The following FLCN variants were observed in gnomAD, a reference collection of about 807,000 sequenced individuals.
FLCN encodes the protein BHD skin lesion fibrofolliculoma protein.
FLCN carries 22 observed loss-of-function variants against 62.5 expected under a neutral mutation model. The observed-to-expected ratio is 0.35, with a 90% CI of 0.25 to 0.50. FLCN has a LOEUF of 0.50. Ranked by LOEUF, FLCN falls within the 20% of genes least tolerant of loss-of-function variation. The probability of loss-of-function intolerance (pLI) is 0.97; values close to 1 mark genes in which losing one functional copy is unlikely to be tolerated. For synonymous variants in FLCN, 319 were observed against 310.0 expected (o/e 1.03, Z -0.30); for missense variants, 657 against 778.0 (o/e 0.84, Z 1.85).
upstream of FLCN, chr17:17,237,199 A>C (rs894383162): frequency 4.6e-5 from 7 of 152,134 alleles, no homozygotes; most frequent in African/African-American, 1.7e-4. Flanking sequence ...CCTGAGCCGT[A>C]CCACCACCCA....
intron 6 of FLCN, 58 bp from the exon 7 acceptor site, chr17:17,222,719 C>A: frequency 6.2e-7 from 1 of 1,609,834 alleles, no homozygotes; most frequent in East Asian, 2.2e-5. Context: ...CAGCTCGGAC[C>A]CCTACTCGTT....
In FLCN at chr17:17,213,577, C is replaced by A; in HGVS notation, c.*78G>T. On this transcript the variant is annotated 3_prime_UTR_variant, in exon 14 of 14. Transcript: ENST00000285071. ...AGCTCCTTCCAGCAGTTGAGAAACT[C>A]AAGGGACAGTCCCTCTCACGGGGCT... 6.3e-7 allele frequency: 1 copy of A among 1,585,530 alleles called. No individual in the cohort carries two copies. Among genetic ancestry groups the A allele is most frequent in the South Asian group, 1.1e-5 (1 of 90,128 alleles).
intron 5 of FLCN, 178 bp downstream of exon 5, chr17:17,225,998 C>T: frequency 1.2e-6 from 1 of 848,118 alleles, no homozygotes; most frequent in East Asian, 2.7e-5. Flanking sequence ...CAACATGACT[C>T]CTCCCGCAAT....
chr17:17,217,326 G>A (rs991388318), intron 9 of FLCN, 144 bp from the exon 10 acceptor site: 14 of 711,166 alleles, frequency 2.0e-5, no homozygotes, highest in Admixed American at 1.0e-4. Context: ...TCAGGGAGGC[G>A]GGTGCCCGGC....
intron 6 of FLCN, 54 bp from the exon 7 acceptor site, chr17:17,222,715 G>A (rs753360294): frequency 9.9e-6 from 16 of 1,610,820 alleles, no homozygotes; most frequent in Middle Eastern, 1.7e-4. Context: ...CCAGCAGCTC[G>A]GACCCCTACT....
intron 2 of FLCN, among the ~76,000 whole-genome samples, chr17:17,232,506 G>A (rs2047454754): frequency 1.3e-5 from 2 of 152,146 alleles, no homozygotes; most frequent in Admixed American, 1.3e-4. Context: ...AGAGTCTAGT[G>A]GCACAGGAAC....
intron 3 of FLCN, chr17:17,228,811 C>G (rs947452919): frequency 2.0e-5 from 3 of 153,296 alleles, no homozygotes; most frequent in Non-Finnish European, 4.4e-5. Context: ...CAGCAGCAGA[C>G]AGGGTGGAGG....
chr17:17,226,806 C>T (rs2047262551), intron 4 of FLCN, among the ~76,000 whole-genome samples: 2 of 152,188 alleles, frequency 1.3e-5, no homozygotes, highest in Admixed American at 6.5e-5. Flanking sequence ...ATAAATAGGG[C>T]GAGCACCAAG....
chr17:17,215,455 G>A, intron 11 of FLCN, 139 bp from the exon 12 acceptor site: 1 of 1,346,306 alleles, frequency 7.4e-7, no homozygotes, highest in South Asian at 1.2e-5. Context: ...CCAAATCAAT[G>A]CTTTGGTATT....
At chr17:17,217,356 G>A (rs1041799917) in intron 9 of FLCN, 174 bp from the exon 10 acceptor site, 5 of 649,782 alleles carry the variant, frequency 7.7e-6, no homozygotes, top group Non-Finnish European at 1.4e-5. Flanking sequence ...AAGGGGCAGA[G>A]AGAGAAGTTC....
At chr17:17,228,216 C>G in intron 3 of FLCN, 55 bp from the exon 4 acceptor site, 1 of 1,557,202 alleles carries the variant, frequency 6.4e-7, no homozygotes, top group Non-Finnish European at 8.7e-7. Flanking sequence ...TCCATGAAAC[C>G]TCCCCAGCCC....
intron 3 of FLCN, among the ~76,000 whole-genome samples, chr17:17,230,074 G>A (rs1386715606): frequency 6.6e-6 from 1 of 152,184 alleles, no homozygotes; most frequent in Non-Finnish European, 1.5e-5. Flanking sequence ...AGAAGTTCTG[G>A]AAACGAGACC....
chr17:17,228,459 GTCC>G (rs2047326668), intron 3 of FLCN: 1 of 392,004 alleles, frequency 2.6e-6, no homozygotes, highest in African/African-American at 2.0e-5. Context: ...GGAAAGGAAT[GTCC>G]TCAAGTGACA....
At position 17,221,597 on chromosome 17, in the gene FLCN, C is replaced by T. The variant is rs2047091792; in HGVS notation, c.811G>A (p.Glu271Lys). 6.2e-7 allele frequency: 1 copy of T among 1,609,978 alleles called. No individual in the cohort carries two copies. The highest frequency in any genetic ancestry group is 8.5e-7 in the Non-Finnish European group (1 of 1,179,958). The change falls in exon 8 of 14, where the codon GAG becomes AAG. Residue 271 changes from glutamate to lysine, a missense_variant. Physicochemically the swap from Glu to Lys is moderately conservative, Grantham distance 56. Transcript: ENST00000285071. ...GTCGGAGCACCTTCCAGGAGCTTCT[C>T]GGTCAGCCGGCTGCCACACGCCTTC... ...LLKACGSRLTEKLLEGAPTED... is the reference protein window; with the variant it reads ...LLKACGSRLTKKLLEGAPTED...
At chr17:17,229,565 T>G (rs2047360128) in intron 3 of FLCN, 2 of 152,202 alleles carry the variant, frequency 1.3e-5, no homozygotes, top group Admixed American at 1.3e-4. Flanking sequence ...GGGGCTCAGT[T>G]CTGGAGACGG....
At chr17:17,223,811 C>T (rs907097555) in intron 6 of FLCN, 111 bp downstream of exon 6, 3 of 1,074,346 alleles carry the variant, frequency 2.8e-6, no homozygotes, top group Admixed American at 3.9e-5. Flanking sequence ...AGTGCACTGG[C>T]TGTAAGCAGA....
chr17:17,234,204 T>TTG (rs1465551178), intron 1 of FLCN, among the ~76,000 whole-genome samples: 2 of 140,086 alleles, frequency 1.4e-5, no homozygotes, highest in South Asian at 2.2e-4. Flanking sequence ...CACTGTTTTG[T>TTG]TTTTTTTTGG....
intron 3 of FLCN, chr17:17,229,625 C>G (rs2047362347): frequency 6.6e-6 from 1 of 152,276 alleles, no homozygotes; most frequent in Admixed American, 6.5e-5. Context: ...TGCCACGGCA[C>G]TGCACGCCGA....
At chr17:17,221,053 C>T (rs2047069588) in intron 8 of FLCN, 2 of 831,004 alleles carry the variant, frequency 2.4e-6, no homozygotes, top group Non-Finnish European at 1.7e-6. Flanking sequence ...CAGGCTGGTG[C>T]ACACAGTGCC....
Sources: allele counts gnomAD v4.1 joint callset (sites outside exome capture counted in the v4.1 genomes callset), GRCh38; gene constraint gnomAD v4.1.1; transcripts MANE v1.5; gene names NCBI Gene and HGNC (gene_info 2026-07-23, HGNC 2026-07-21).